AOPEP: variants seen among roughly 807,000 people sequenced by gnomAD.
AOPEP encodes aminopeptidase O (putative).
A neutral mutation model predicts 98.1 loss-of-function variants in AOPEP; 77 were observed. That is an observed-to-expected ratio of 0.78 (90% CI 0.65 to 0.95). AOPEP has a LOEUF of 0.95. Among genes scored for constraint, AOPEP ranks in the 40% least tolerant of loss-of-function variants. The pLI, the probability that AOPEP is intolerant of heterozygous loss-of-function variation, is 0.00. For missense variants in AOPEP, 1,024 were observed against 1,024.7 expected, an observed-to-expected ratio of 1.00 and a Z score of 0.01; for synonymous variants, 346 against 365.3, an observed-to-expected ratio of 0.95 and a Z score of 0.60.
chr9:94,727,086 C>T (rs542345268), intron 1 of AOPEP, among the ~76,000 whole-genome samples: 1 of 152,214 alleles, frequency 6.6e-6, no homozygotes. Flanking sequence ...GGTCACCTGC[C>T]GGTCTCGGCT....
the AOPEP span, chr9:95,149,849 G>A: frequency 6.7e-7 from 1 of 1,497,664 alleles, no homozygotes; most frequent in Non-Finnish European, 9.1e-7. Flanking sequence ...CTGTCGTACA[G>A]TCTTTCCAAC....
Position 95,005,184 on chromosome 9 carries a change from G to C in AOPEP, c.2004G>C (p.Gly668=). 8.7e-7 allele frequency: 1 copy of C among 1,149,406 alleles called. No individual in the cohort carries two copies. The highest frequency in any genetic ancestry group is 3.3e-5 in the South Asian group (1 of 30,190). 71.2% of individuals were successfully genotyped at this position (1,149,406 alleles called of 1,614,324 possible). A position where few individuals can be genotyped will look rare whatever the true frequency, so the allele number is the denominator to read the frequency against. Residue 668 remains glycine, a synonymous_variant, in exon 12 of 17, where the codon GGG becomes GGC. Coordinates refer to ENST00000375315, the MANE Select transcript of AOPEP (RefSeq NM_001193329.3). ...PKPLQRERRA[G]AECGLARQVR... is the part of the protein sequence containing the mutation. ...CGCTGCAGAGGGAGCGTCGCGCCGGGGCGGAGTGCGGGCTTGCGCGGCAAG... is the reference window on the plus strand; with the variant it reads ...CGCTGCAGAGGGAGCGTCGCGCCGGCGCGGAGTGCGGGCTTGCGCGGCAAG...
rs561776069 is a variant in AOPEP at position 94,900,972 on chromosome 9, C to T, written c.1365-23014C>T. On this transcript the variant is annotated intron_variant, in intron 5 of 16. Coordinates refer to ENST00000375315, the MANE Select transcript of AOPEP (RefSeq NM_001193329.3). ...TCCTGCAATAATGCTGTGCTTGGAT[C>T]AGCCCACTTTCTCTCAGACCCTGGC... The T allele has an allele frequency of 5.9e-5, 9 of 152,326 alleles. No homozygotes were observed. The East Asian group carries it at 1.7e-3, about 29-fold the overall frequency. The allele number at this position is 152,326 out of a possible 1,614,324, so 9.4% of individuals were successfully genotyped here.
At chr9:95,095,222 A>T in the AOPEP span, among the ~76,000 whole-genome samples, 1 of 151,982 alleles carries the variant, frequency 6.6e-6, no homozygotes, top group African/African-American at 2.4e-5. Context: ...ATAAATTTGG[A>T]TGTTTGACAG....
At position 94,793,505 on chromosome 9, in the gene AOPEP, C is replaced by T. The variant is rs565318903; in HGVS notation, c.1118+587C>T. 2.0e-5 allele frequency among the ~76,000 whole-genome samples: 3 copies of T among 152,032 alleles called. No homozygotes were observed. The South Asian group carries it at 6.2e-4, about 32-fold the overall frequency. Reference sequence around the variant, plus strand: ...CAGCCTGGCCAACATGGTGAAACCCCATCTCTACTAAAAATACAGAAATTA... The same window carrying T: ...CAGCCTGGCCAACATGGTGAAACCCTATCTCTACTAAAAATACAGAAATTA... On this transcript the variant is annotated intron_variant, in intron 4 of 16. Coordinates refer to ENST00000375315, the MANE Select transcript of AOPEP (RefSeq NM_001193329.3).
At chr9:94,807,470 G>A (rs1473254641) in intron 5 of AOPEP, among the ~76,000 whole-genome samples, 7 of 152,124 alleles carry the variant, frequency 4.6e-5, no homozygotes, top group Non-Finnish European at 7.3e-5. Flanking sequence ...CTCTACCTGC[G>A]TTTGTAATCT....
chr9:94,887,139 G>A (rs1007130261), intron 5 of AOPEP, among the ~76,000 whole-genome samples: 22 of 151,722 alleles, frequency 1.5e-4, no homozygotes, highest in African/African-American at 5.3e-4. Context: ...TCAGGAGTTC[G>A]AGACCAGCCT....
At position 94,760,298 on chromosome 9, in the gene AOPEP, G is replaced by A; in HGVS notation, c.515G>A (p.Arg172Lys). The A allele has an allele frequency of 6.2e-7, 1 of 1,614,114 alleles. No individual in the cohort carries two copies. The highest frequency in any genetic ancestry group is 1.1e-5 in the South Asian group (1 of 91,066). Residue 172 changes from arginine to lysine, a missense_variant, in exon 2 of 17, where the codon AGG becomes AAG. By Grantham distance (26) the Arg-to-Lys change is conservative. Coordinates refer to ENST00000375315, the MANE Select transcript of AOPEP (RefSeq NM_001193329.3). The part of the protein sequence containing the change: ...AAVPGLEKFT[R>K]SPELTVVSEE... ...GTGCCAGGTCTGGAAAAATTTACAA[G>A]GTCTCCTGAGCTCACGGTTGTTTCT...
At chr9:94,881,086 T>C (rs2047531027) in intron 5 of AOPEP, among the ~76,000 whole-genome samples, 1 of 152,050 alleles carries the variant, frequency 6.6e-6, no homozygotes, top group Non-Finnish European at 1.5e-5. Context: ...CAGGAGAAAA[T>C]TTCATAAGAT....
intron 5 of AOPEP, among the ~76,000 whole-genome samples, chr9:94,846,278 T>C (rs996281984): frequency 3.3e-5 from 5 of 152,122 alleles, no homozygotes; most frequent in African/African-American, 1.2e-4. Context: ...GTGTGCGGAC[T>C]GAGCTGTGGT....
chr9:95,034,193 T>C (rs1208567503), intron 13 of AOPEP, among the ~76,000 whole-genome samples: 1 of 152,252 alleles, frequency 6.6e-6, no homozygotes, highest in Non-Finnish European at 1.5e-5. Flanking sequence ...AGTGATATTA[T>C]TGTTTTTTGC....
At chr9:95,017,670 G>A (rs1420160967) in intron 13 of AOPEP, among the ~76,000 whole-genome samples, 1 of 152,166 alleles carries the variant, frequency 6.6e-6, no homozygotes, top group African/African-American at 2.4e-5. Context: ...TACGTTACAT[G>A]CCAGGAAATT....
At chr9:94,815,537 A>T (rs981510789) in intron 5 of AOPEP, among the ~76,000 whole-genome samples, 7 of 151,950 alleles carry the variant, frequency 4.6e-5, no homozygotes, top group African/African-American at 1.7e-4. Context: ...GGCCTCAGTT[A>T]TGGCCATTAT....
At chr9:94,899,179 C>CTTTTTTTTTTTTTTTTT (rs1164742981) in intron 5 of AOPEP, among the ~76,000 whole-genome samples, 1 of 59,746 alleles carries the variant, frequency 1.7e-5, no homozygotes, top group African/African-American at 7.5e-5. Context: ...TCTTCATTTG[C>CTTTTTTTTTTTTTTTTT]TTTTTTTTTT....
intron 5 of AOPEP, among the ~76,000 whole-genome samples, chr9:94,895,021 C>A (rs1357083283): frequency 1.3e-5 from 2 of 151,696 alleles, no homozygotes; most frequent in African/African-American, 4.9e-5. Context: ...AGTGATATTT[C>A]TTTAATGTTA....
chr9:94,827,962 A>G (rs903355224), intron 5 of AOPEP, among the ~76,000 whole-genome samples: 9 of 152,204 alleles, frequency 5.9e-5, no homozygotes, highest in African/African-American at 9.7e-5. Flanking sequence ...TTTCCCGGAC[A>G]CAGAATAAGA....
chr9:95,092,078 GTGTGCA>G (rs767337633), downstream of AOPEP, among the ~76,000 whole-genome samples: 1,679 of 149,150 alleles, frequency 0.011, 10 homozygotes, highest in South Asian at 0.034. Flanking sequence ...GTGTGTGTGT[GTGTGCA>G]CACACACACA....
intron 5 of AOPEP, among the ~76,000 whole-genome samples, chr9:94,896,147 A>G (rs572388382): frequency 3.9e-5 from 6 of 152,354 alleles, no homozygotes; most frequent in African/African-American, 1.4e-4. Context: ...CTGAATGGAA[A>G]ATAGAAACAA....
the AOPEP span, among the ~76,000 whole-genome samples, chr9:95,119,143 T>C: frequency 6.6e-6 from 1 of 152,228 alleles, no homozygotes; most frequent in Non-Finnish European, 1.5e-5. Flanking sequence ...ACTTTCCTGA[T>C]GGCAAATGAC....
Sources: gnomAD v4.1 joint callset for allele counts (sites outside exome capture counted in the v4.1 genomes callset) on GRCh38, gnomAD v4.1.1 for gene constraint, MANE v1.5 for transcripts, NCBI Gene and HGNC (gene_info 2026-07-23, HGNC 2026-07-21) for gene names.